Variants in CDH13 observed in about 807,000 individuals in gnomAD.
The protein encoded by CDH13 is cadherin-13.
Under a neutral mutation model 63.8 loss-of-function variants are expected in CDH13, and 24 were observed. That is an observed-to-expected ratio of 0.38 (90% CI 0.27 to 0.53). The LOEUF (loss-of-function observed/expected upper bound fraction) is 0.53, where lower values mean the gene tolerates loss of function less well. CDH13 is among the 20% of genes least tolerant of loss of function. The pLI, the probability that CDH13 is intolerant of heterozygous loss-of-function variation, is 0.85. For missense variants in CDH13, 1,049 were observed against 903.1 expected (o/e 1.16, Z -2.07); for synonymous variants, 503 against 355.3 (o/e 1.42, Z -4.67).
intron 2 of CDH13, among the ~76,000 whole-genome samples, chr16:82,975,772 G>A (rs557280529): frequency 1.4e-4 from 22 of 152,226 alleles, no homozygotes; most frequent in African/African-American, 5.3e-4. Flanking sequence ...TATATGCAAA[G>A]GCCTTTATAT....
intron 6 of CDH13, among the ~76,000 whole-genome samples, chr16:83,415,227 C>T (rs755808830): frequency 6.6e-6 from 1 of 151,860 alleles, no homozygotes; most frequent in Non-Finnish European, 1.5e-5. Context: ...AAGATTAAAT[C>T]GTGAAGAAAT....
At chr16:83,381,460 C>T (rs546366916) in intron 6 of CDH13, among the ~76,000 whole-genome samples, 11 of 152,138 alleles carry the variant, frequency 7.2e-5, no homozygotes, top group South Asian at 2.1e-4. Flanking sequence ...TTTTTAGCAC[C>T]GAGATCGCAT....
chr16:83,276,642 G>C (rs928850439), intron 5 of CDH13, among the ~76,000 whole-genome samples: 1 of 152,074 alleles, frequency 6.6e-6, no homozygotes, highest in Non-Finnish European at 1.5e-5. Context: ...AGGCCAAGTC[G>C]GGAGGATCAC....
At position 82,838,222 on chromosome 16, in the gene CDH13, TATC is replaced by T. The variant is rs937335211; in HGVS notation, c.46-20137_46-20135del. Among the ~76,000 whole-genome samples the T allele has an allele frequency of 4.6e-4, 70 of 152,360 alleles. 1 individual carries two copies. Among genetic ancestry groups the T allele is most frequent in the African/African-American group, 1.6e-3 (66 of 41,586 alleles). On this transcript the variant is annotated intron_variant, in intron 1 of 13. Coordinates refer to ENST00000567109, the MANE Select transcript of CDH13 (RefSeq NM_001257.5). ...TGAGTTCTAATTTCTCTAATGGAAG[TATC>T]ATTCTAAAGTTATCCTTTGTCCTTC...
intron 5 of CDH13, among the ~76,000 whole-genome samples, chr16:83,260,772 T>C (rs1371954552): frequency 6.6e-6 from 1 of 152,186 alleles, no homozygotes; most frequent in Non-Finnish European, 1.5e-5. Flanking sequence ...ATTACTCACA[T>C]TTAGAGACTG....
intron 2 of CDH13, among the ~76,000 whole-genome samples, chr16:82,913,511 A>G (rs543253016): frequency 5.9e-4 from 90 of 152,280 alleles, no homozygotes; most frequent in African/African-American, 1.9e-3. Context: ...ACTTTCTGTG[A>G]ATAAGGCCAT....
intron 2 of CDH13, among the ~76,000 whole-genome samples, chr16:82,882,721 T>C (rs1391595512): frequency 6.6e-6 from 1 of 152,138 alleles, no homozygotes; most frequent in Non-Finnish European, 1.5e-5. Flanking sequence ...CCTAACAGTA[T>C]GTATGTCTAA....
At chr16:83,532,310 C>G (rs1028356594) in intron 7 of CDH13, among the ~76,000 whole-genome samples, 9 of 152,142 alleles carry the variant, frequency 5.9e-5, no homozygotes, top group Admixed American at 2.6e-4. Context: ...ACTTCTGTCA[C>G]CACCCTCACC....
chr16:82,667,393 G>C (rs1912718136), intron 1 of CDH13, among the ~76,000 whole-genome samples: 1 of 152,202 alleles, frequency 6.6e-6, no homozygotes, highest in Non-Finnish European at 1.5e-5. Context: ...GTAGAGCTTT[G>C]TCCCTGAGAA....
At chr16:83,042,248 A>C (rs953717662) in intron 3 of CDH13, among the ~76,000 whole-genome samples, 4 of 152,216 alleles carry the variant, frequency 2.6e-5, no homozygotes, top group African/African-American at 9.6e-5. Context: ...GTGAGCAAGC[A>C]AAGCTTCATC....
intron 11 of CDH13, among the ~76,000 whole-genome samples, chr16:83,754,744 T>C (rs1056373880): frequency 6.6e-6 from 1 of 152,216 alleles, no homozygotes; most frequent in Non-Finnish European, 1.5e-5. Flanking sequence ...TCCACCATGA[T>C]TGTGAGGTTT....
At chr16:83,525,236 A>T (rs182298698) in intron 7 of CDH13, among the ~76,000 whole-genome samples, 117 of 152,340 alleles carry the variant, frequency 7.7e-4, no homozygotes, top group Non-Finnish European at 1.4e-3. Context: ...CTGAAGTCTA[A>T]GACAGCTTCC....
intron 2 of CDH13, among the ~76,000 whole-genome samples, chr16:83,017,818 C>T (rs1347948610): frequency 6.6e-6 from 1 of 152,146 alleles, no homozygotes; most frequent in Non-Finnish European, 1.5e-5. Context: ...GCCATTTATA[C>T]CAGCTGGAAG....
rs186220592 is a variant in CDH13 at position 83,025,236 on chromosome 16, C to T, written c.158-6774C>T. On this transcript the variant is annotated intron_variant, in intron 2 of 13. Transcript: ENST00000567109. ...TTATAGTACCTTTCAGGAGGATGCC[C>T]ACTCTATGGATAAAGATGTCGAGGA... 4.6e-5 allele frequency among the ~76,000 whole-genome samples: 7 copies of T among 152,260 alleles called. No individual in the cohort carries two copies. In the East Asian group the frequency reaches 1.4e-3, roughly 29 times the overall value.
intron 5 of CDH13, among the ~76,000 whole-genome samples, chr16:83,284,716 A>G (rs1208453154): frequency 6.6e-6 from 1 of 152,102 alleles, no homozygotes; most frequent in Non-Finnish European, 1.5e-5. Context: ...TAGTGAATAT[A>G]ATTACTTTGA....
chr16:82,842,131 T>TAC (rs2039047565), intron 1 of CDH13, among the ~76,000 whole-genome samples: 16 of 48,614 alleles, frequency 3.3e-4, no homozygotes, highest in African/African-American at 1.1e-3. Context: ...TATATATATA[T>TAC]ATATATACAC....
At chr16:83,094,090 A>C (rs1053411003) in intron 3 of CDH13, among the ~76,000 whole-genome samples, 12 of 152,218 alleles carry the variant, frequency 7.9e-5, no homozygotes, top group African/African-American at 2.9e-4. Flanking sequence ...TATATTACTC[A>C]GCAATTAATC....
chr16:83,681,231 T>G (rs564589503), intron 10 of CDH13, among the ~76,000 whole-genome samples: 1 of 152,216 alleles, frequency 6.6e-6, no homozygotes, highest in African/African-American at 2.4e-5. Flanking sequence ...GAACAAATGC[T>G]GTGTAATCAG....
At chr16:82,707,651 T>G (rs10514564) in intron 1 of CDH13, among the ~76,000 whole-genome samples, 59,128 of 152,038 alleles carry the variant, frequency 0.39, 12,113 homozygotes, top group East Asian at 0.61. Flanking sequence ...TTTTGCAGAA[T>G]TAGCTCCAAC....
Sources: gnomAD v4.1 joint callset for allele counts (sites outside exome capture counted in the v4.1 genomes callset) on GRCh38, gnomAD v4.1.1 for gene constraint, MANE v1.5 for transcripts, NCBI Gene and HGNC (gene_info 2026-07-23, HGNC 2026-07-21) for gene names.